The following KIF26B variants were observed in gnomAD, a reference collection of about 807,000 sequenced individuals.
KIF26B encodes the protein kinesin-like protein KIF26B.
A neutral mutation model predicts 151.2 loss-of-function variants in KIF26B; 63 were observed. That is an observed-to-expected ratio of 0.42 (90% CI 0.34 to 0.51). The LOEUF (loss-of-function observed/expected upper bound fraction) is 0.51. Among genes scored for constraint, KIF26B ranks in the 20% least tolerant of loss-of-function variants. The pLI, the probability that KIF26B is intolerant of heterozygous loss-of-function variation, is 0.07. For missense variants in KIF26B, 2,813 were observed against 2,913.6 expected, an observed-to-expected ratio of 0.97 and a Z score of 0.79; for synonymous variants, 1,357 against 1,262.1, an observed-to-expected ratio of 1.08 and a Z score of -1.59.
At chr1:245,404,058 A>C (rs1448432362) in intron 3 of KIF26B, among the ~76,000 whole-genome samples, 1 of 152,186 alleles carries the variant, frequency 6.6e-6, no homozygotes, top group Admixed American at 6.6e-5. Context: ...GAAACACTGC[A>C]GACTTCAAAG....
chr1:245,680,306 G>A (rs1233323773), intron 10 of KIF26B, among the ~76,000 whole-genome samples: 1 of 152,108 alleles, frequency 6.6e-6, no homozygotes, highest in East Asian at 1.9e-4. Flanking sequence ...TTTAGAGTCC[G>A]CAGAGGCCCA....
intron 3 of KIF26B, among the ~76,000 whole-genome samples, chr1:245,387,312 C>A (rs936189109): frequency 1.3e-5 from 2 of 151,896 alleles, no homozygotes; most frequent in Middle Eastern, 3.2e-3. Context: ...CTACAGATGC[C>A]CATCACCCTA....
chr1:245,611,983 C>G lies in KIF26B; in HGVS notation c.2098+7C>G. 2 of 1,609,660 alleles carry G rather than the reference C, an allele frequency of 1.2e-6. No individual in the cohort carries two copies. Among genetic ancestry groups the G allele is most frequent in the Non-Finnish European group, 1.7e-6 (2 of 1,176,796 alleles). ...AAGAGCGGGAAAGGGGGAAGTAAGT[C>G]GGCCACTCCACCCTCCTGCCTCCTT... On this transcript the variant is annotated splice_region_variant and intron_variant, in intron 9 of 14. Transcript: ENST00000407071.
intron 4 of KIF26B, among the ~76,000 whole-genome samples, chr1:245,462,733 A>G (rs1490745095): frequency 6.6e-6 from 1 of 152,160 alleles, no homozygotes; most frequent in Non-Finnish European, 1.5e-5. Context: ...GGCACAGAAT[A>G]TGAAGTTAGT....
intron 4 of KIF26B, among the ~76,000 whole-genome samples, chr1:245,518,017 G>T (rs1048361837): frequency 6.6e-6 from 1 of 151,444 alleles, no homozygotes; most frequent in African/African-American, 2.4e-5. Context: ...GATTACAGAC[G>T]CCTGCCACAA....
chr1:245,485,270 T>A (rs562529019), intron 4 of KIF26B, among the ~76,000 whole-genome samples: 1 of 152,282 alleles, frequency 6.6e-6, no homozygotes, highest in Non-Finnish European at 1.5e-5. Flanking sequence ...TATGAAAAAG[T>A]TGTGGAACTT....
chr1:245,370,662 A>G (rs917335901), intron 3 of KIF26B: 2 of 456,000 alleles, frequency 4.4e-6, no homozygotes, highest in Non-Finnish European at 8.8e-6. Context: ...ACAGAGGAGC[A>G]TGAAACTGGT....
At chr1:245,556,215 C>T (rs936608512) in intron 5 of KIF26B, among the ~76,000 whole-genome samples, 1 of 150,552 alleles carries the variant, frequency 6.6e-6, no homozygotes, top group Non-Finnish European at 1.5e-5. Context: ...CTTCTTCTTC[C>T]TCCTCCTCCT....
intron 10 of KIF26B, among the ~76,000 whole-genome samples, chr1:245,651,889 G>A (rs1350358383): frequency 1.3e-5 from 2 of 152,104 alleles, no homozygotes; most frequent in East Asian, 3.9e-4. Flanking sequence ...CCTGTCCCTG[G>A]TGCCAAAAAG....
At chr1:245,183,370 C>G (rs1175319563) in intron 2 of KIF26B, among the ~76,000 whole-genome samples, 1 of 152,130 alleles carries the variant, frequency 6.6e-6, no homozygotes, top group East Asian at 1.9e-4. Context: ...GTTGTCTAAT[C>G]CAAGATCATG....
chr1:245,478,584 T>A (rs1333478699), intron 4 of KIF26B, among the ~76,000 whole-genome samples: 1 of 151,530 alleles, frequency 6.6e-6, no homozygotes, highest in Non-Finnish European at 1.5e-5. Context: ...GTCTGGCTAA[T>A]TTTTTATATT....
chr1:245,214,587 T>G (rs1573712667), intron 2 of KIF26B, among the ~76,000 whole-genome samples: 1 of 152,102 alleles, frequency 6.6e-6, no homozygotes, highest in Non-Finnish European at 1.5e-5. Flanking sequence ...AATGGGATAG[T>G]ACAGGACATG....
intron 5 of KIF26B, among the ~76,000 whole-genome samples, chr1:245,562,186 A>G (rs1271810586): frequency 2.0e-5 from 3 of 152,172 alleles, no homozygotes; most frequent in Non-Finnish European, 2.9e-5. Context: ...ATGCTGAGGC[A>G]GAGAGGGACC....
At chr1:245,464,989 T>C (rs1410505861) in intron 4 of KIF26B, among the ~76,000 whole-genome samples, 7 of 148,968 alleles carry the variant, frequency 4.7e-5, no homozygotes, top group Non-Finnish European at 8.9e-5. Flanking sequence ...GCCTTTTTTT[T>C]TTTTTTTGAG....
At chr1:245,509,283 C>T (rs918532107) in intron 4 of KIF26B, among the ~76,000 whole-genome samples, 4 of 152,256 alleles carry the variant, frequency 2.6e-5, no homozygotes, top group East Asian at 1.9e-4. Flanking sequence ...GGATTGGAGC[C>T]GTTCTCTATG....
In KIF26B at chr1:245,706,239, AC is replaced by A. The variant is rs1282266213; in HGVS notation, c.*3634del. The A allele has an allele frequency of 1.3e-5, 2 of 152,182 alleles. No homozygotes were observed. Among genetic ancestry groups the A allele is most frequent in the Non-Finnish European group, 2.9e-5 (2 of 68,038 alleles). The allele number at this position is 152,182 out of a possible 1,614,324, so 9.4% of individuals were successfully genotyped here. ...AGTCTTATACGCACCTACAAGTCTC[AC>A]GCTTGCTGCTCAGACTTTCTGATAA... is the stretch of plus-strand genomic sequence containing the variant. On this transcript the variant is annotated 3_prime_UTR_variant, in exon 15 of 15. Transcript: ENST00000407071.
At position 245,170,312 on chromosome 1, in the gene KIF26B, C is replaced by G. The variant is rs1668688211; in HGVS notation, c.465+13629C>G. On this transcript the variant is annotated intron_variant, in intron 2 of 14. Coordinates refer to ENST00000407071, the MANE Select transcript of KIF26B (RefSeq NM_018012.4). The surrounding 1 kb of genome is among the most constrained non-coding windows in gnomAD (Gnocchi z 4.4). ...TTTATGGGTCGGCTGGTTTGAGGGT[C>G]CTTGCATTTCTTGTCAGTCAATACG... 2.0e-5 allele frequency among the ~76,000 whole-genome samples: 3 copies of G among 152,264 alleles called. No individual in the cohort carries two copies. Among genetic ancestry groups the G allele is most frequent in the Admixed American group, 6.5e-5 (1 of 15,304 alleles).
At chr1:245,404,130 T>C (rs1674076383) in intron 3 of KIF26B, among the ~76,000 whole-genome samples, 1 of 152,118 alleles carries the variant, frequency 6.6e-6, no homozygotes, top group South Asian at 2.1e-4. Flanking sequence ...GAGGACAGAC[T>C]GAGCTGAGGT....
At chr1:245,637,781 T>C (rs2043851033) in intron 9 of KIF26B, among the ~76,000 whole-genome samples, 1 of 152,194 alleles carries the variant, frequency 6.6e-6, no homozygotes, top group Admixed American at 6.5e-5. Flanking sequence ...TGTATGTTAT[T>C]GGTGCCTTTG....
Sources: gnomAD v4.1 joint callset for allele counts (sites outside exome capture counted in the v4.1 genomes callset) on GRCh38, gnomAD v4.1.1 for gene constraint, Gnocchi (gnomAD v3.1) non-coding constraint, MANE v1.5 for transcripts, NCBI Gene and HGNC (gene_info 2026-07-23, HGNC 2026-07-21) for gene names.